Variants in PKHD1 observed in about 807,000 individuals in gnomAD.
The protein encoded by PKHD1 is PKHD1 ciliary IPT domain containing fibrocystin/polyductin, also known as fibrocystin.
Under a neutral mutation model 412.0 loss-of-function variants are expected in PKHD1, and 291 were observed. That is an observed-to-expected ratio of 0.71 (90% confidence interval 0.64 to 0.78). The LOEUF is 0.78. PKHD1 is among the 30% of genes least tolerant of loss of function. PKHD1 has a pLI of 0.00. For missense variants in PKHD1, 4,825 were observed against 4,950.7 expected, an observed-to-expected ratio of 0.97 and a Z score of 0.76; for synonymous variants, 1,777 against 1,821.5, an observed-to-expected ratio of 0.98 and a Z score of 0.62.
chr6:51,625,058 C>T (rs1767067554), intron 66 of PKHD1, among the ~76,000 whole-genome samples: 1 of 152,148 alleles, frequency 6.6e-6, no homozygotes. Context: ...ACTTTACTAT[C>T]TTCTTCCCCC....
chr6:51,943,600 G>T (rs1056721290), intron 36 of PKHD1, among the ~76,000 whole-genome samples: 1 of 151,456 alleles, frequency 6.6e-6, no homozygotes, highest in Admixed American at 6.6e-5. Flanking sequence ...ATCTTTGCTG[G>T]CAGGGCTATG....
intron 52 of PKHD1, among the ~76,000 whole-genome samples, chr6:51,820,798 T>C (rs749916022): frequency 1.3e-5 from 2 of 152,120 alleles, no homozygotes; most frequent in African/African-American, 4.8e-5. Context: ...AAAGTTCTTA[T>C]CTCTAAACCT....
intron 43 of PKHD1, among the ~76,000 whole-genome samples, chr6:51,902,562 G>T (rs1319114722): frequency 1.3e-5 from 2 of 152,136 alleles, no homozygotes; most frequent in Non-Finnish European, 2.9e-5. Context: ...TCAGCTGAAG[G>T]TAATTAAAAA....
At chr6:52,024,228 G>A (rs1474098258) in intron 32 of PKHD1, among the ~76,000 whole-genome samples, 1 of 152,174 alleles carries the variant, frequency 6.6e-6, no homozygotes, top group Non-Finnish European at 1.5e-5. Flanking sequence ...TTGGCAGATA[G>A]GGTCTAAAAC....
intron 64 of PKHD1, among the ~76,000 whole-genome samples, chr6:51,633,074 A>C (rs1376344757): frequency 6.6e-6 from 1 of 152,202 alleles, no homozygotes; most frequent in African/African-American, 2.4e-5. Context: ...TCTCAGCTCC[A>C]GAATGTGTGA....
intron 55 of PKHD1, among the ~76,000 whole-genome samples, chr6:51,768,950 T>A (rs570155505): frequency 2.0e-5 from 3 of 151,880 alleles, no homozygotes; most frequent in African/African-American, 7.2e-5. Flanking sequence ...CATATTTCCT[T>A]TTTGTGCCAA....
At chr6:51,932,239 T>C (rs1270053) in intron 37 of PKHD1, among the ~76,000 whole-genome samples, 2,903 of 152,342 alleles carry the variant, frequency 0.019, 90 homozygotes, top group African/African-American at 0.065. Context: ...AACGTACATT[T>C]AAAATACAGG....
At chr6:51,726,943 C>T (rs147904453) in intron 60 of PKHD1, among the ~76,000 whole-genome samples, 1 of 152,182 alleles carries the variant, frequency 6.6e-6, no homozygotes, top group African/African-American at 2.4e-5. Context: ...GGACTATAAA[C>T]CTTAGAAGCA....
At chr6:52,013,743 T>C (rs528225341) in intron 34 of PKHD1, among the ~76,000 whole-genome samples, 6 of 152,330 alleles carry the variant, frequency 3.9e-5, no homozygotes, top group African/African-American at 1.4e-4. Context: ...AAGATTGTTC[T>C]AGTATCTAAG....
chr6:51,796,473 A>G (rs1794622574), intron 52 of PKHD1, among the ~76,000 whole-genome samples: 1 of 149,314 alleles, frequency 6.7e-6, no homozygotes, highest in Non-Finnish European at 1.5e-5. Context: ...GATTTTTTGA[A>G]GGCTTTTCAT....
rs118031721 is a variant in PKHD1, at chr6:51,925,494, G to A, written c.6121+8616C>T. Among the ~76,000 whole-genome samples the A allele has an allele frequency of 4.7e-4, 71 of 150,418 alleles. No homozygotes were observed. In the East Asian group the frequency reaches 0.012, roughly 26 times the overall value. ...GTGTGTGTGTGTAGGTATTTCTAAC[G>A]TAATTAACATCTGAATCAGTAGACT... On this transcript the variant is annotated intron_variant, in intron 37 of 66. Coordinates refer to ENST00000371117, the MANE Select transcript of PKHD1 (RefSeq NM_138694.4).
At chr6:51,836,006 G>A (rs1317145368) in intron 51 of PKHD1, among the ~76,000 whole-genome samples, 1 of 152,174 alleles carries the variant, frequency 6.6e-6, no homozygotes, top group Non-Finnish European at 1.5e-5. Flanking sequence ...TCTGACTTTT[G>A]AGGAGGGTTT....
At chr6:51,962,930 G>A (rs1451575400) in intron 35 of PKHD1, among the ~76,000 whole-genome samples, 2 of 152,012 alleles carry the variant, frequency 1.3e-5, no homozygotes, top group Non-Finnish European at 2.9e-5. Flanking sequence ...CAGAGACTTG[G>A]TTTGGGTCAT....
intron 40 of PKHD1, among the ~76,000 whole-genome samples, chr6:51,907,793 T>C (rs1458996273): frequency 6.6e-6 from 1 of 152,182 alleles, no homozygotes; most frequent in Non-Finnish European, 1.5e-5. Context: ...CAAAAGTTTC[T>C]AGCCTCTGCA....
intron 41 of PKHD1, 38 bp from the exon 42 acceptor site, chr6:51,904,080 T>C (rs1423872833): frequency 7.3e-7 from 1 of 1,368,160 alleles, no homozygotes; most frequent in Admixed American, 1.7e-5. Context: ...GTATATTTTA[T>C]GTCACTTAGG....
At chr6:51,989,897 GAGGGAGGAAGGA>G (rs1796686337) in intron 35 of PKHD1, among the ~76,000 whole-genome samples, 1 of 9,440 alleles carries the variant, frequency 1.1e-4, no homozygotes, top group Non-Finnish European at 2.2e-4. Flanking sequence ...AGGAAGGAAG[GAGGGAGGAAGGA>G]AGGAAGGAAG....
intron 55 of PKHD1, among the ~76,000 whole-genome samples, chr6:51,765,792 CTA>C (rs1184834196): frequency 6.6e-6 from 1 of 152,132 alleles, no homozygotes; most frequent in African/African-American, 2.4e-5. Context: ...GCAATCTCTT[CTA>C]TATGTCTAGT....
intron 5 of PKHD1, among the ~76,000 whole-genome samples, chr6:52,077,241 C>T (rs1260998032): frequency 6.6e-6 from 1 of 152,166 alleles, no homozygotes; most frequent in Admixed American, 6.5e-5. Flanking sequence ...AACTCCATCT[C>T]ACCTGTAGGC....
chr6:51,631,927 C>CTTTTTTTTT (rs1277193806), intron 65 of PKHD1, among the ~76,000 whole-genome samples: 5 of 137,612 alleles, frequency 3.6e-5, no homozygotes, highest in African/African-American at 1.1e-4. Flanking sequence ...TCCCCGGATT[C>CTTTTTTTTT]TTTTTTTTTT....
Sources: allele counts gnomAD v4.1 joint callset (sites outside exome capture counted in the v4.1 genomes callset), GRCh38; gene constraint gnomAD v4.1.1; transcripts MANE v1.5; gene names NCBI Gene and HGNC (gene_info 2026-07-23, HGNC 2026-07-21).